Variants in GPN2 observed in about 807,000 individuals in gnomAD.
GPN2 encodes the protein ATP-binding domain 1 family member B.
A neutral mutation model predicts 30.1 loss-of-function variants in GPN2; 27 were observed. The observed-to-expected ratio is 0.90, with a 90% confidence interval of 0.66 to 1.24. GPN2 has a LOEUF of 1.24. Ranked by LOEUF, GPN2 falls within the 50% of genes most tolerant of loss-of-function variation. The pLI is 0.00. For missense variants in GPN2, 406 were observed against 405.4 expected (o/e 1.00, Z -0.01); for synonymous variants, 212 against 174.4 (o/e 1.22, Z -1.70).
chr1:26,882,415 C>T (rs540785034), intron 4 of GPN2, among the ~76,000 whole-genome samples: 3 of 152,154 alleles, frequency 2.0e-5, no homozygotes, highest in Admixed American at 2.0e-4. Flanking sequence ...CACATGCAGT[C>T]CAATTGGCCT....
At chr1:26,886,893 T>C (rs2081893776) in intron 2 of GPN2, among the ~76,000 whole-genome samples, 1 of 150,122 alleles carries the variant, frequency 6.7e-6, no homozygotes, top group Non-Finnish European at 1.5e-5. Context: ...CACGGGAGGC[T>C]GAGGCAGGAG....
Position 26,886,115 on chromosome 1 carries a change from T to C in GPN2, c.587A>G (p.Tyr196Cys), listed in dbSNP as rs375625869. ...GTAGGAGAGGTCCAGAACCTCTGTG[T>C]AGTAGTCCAGGTTGAAGGCTAAAGA... ...YGKLAFNLDY[Y>C]TEVLDLSYLL... is the part of the protein sequence containing the mutation. The change falls in exon 3 of 5, where the codon TAC becomes TGC. Residue 196 changes from tyrosine to cysteine, a missense_variant. Transcript: ENST00000374135. The C allele has an allele frequency of 2.2e-5, 36 of 1,613,456 alleles. No individual in the cohort carries two copies. Among genetic ancestry groups the C allele is most frequent in the Non-Finnish European group, 3.0e-5 (35 of 1,179,514 alleles).
intron 2 of GPN2, among the ~76,000 whole-genome samples, chr1:26,888,732 C>T (rs1195423943): frequency 1.3e-5 from 2 of 152,238 alleles, no homozygotes; most frequent in Non-Finnish European, 2.9e-5. Flanking sequence ...TATTCACTGT[C>T]GTATCACTTT....
At chr1:26,889,612 TG>T in intron 1 of GPN2, 73 bp downstream of exon 1, 5 of 1,391,740 alleles carry the variant, frequency 3.6e-6, no homozygotes, top group Non-Finnish European at 4.9e-6. Flanking sequence ...CTGTGTGACA[TG>T]GGGGCGTGGC....
intron 4 of GPN2, among the ~76,000 whole-genome samples, chr1:26,883,283 C>T (rs760892858): frequency 2.6e-5 from 4 of 151,818 alleles, no homozygotes; most frequent in Admixed American, 6.6e-5. Context: ...ACCCCTGCAA[C>T]GCCCTTTCCT....
In GPN2 at chr1:26,878,199, A is replaced by G. The variant is rs2081846674; in HGVS notation, c.*1478T>C. On this transcript the variant is annotated 3_prime_UTR_variant, in exon 5 of 5. Transcript: ENST00000374135. ...ACTGCATCCAGCCAGTTGCAAGAGC[A>G]AAGAAAAAACTTCCAAGCCCTCTTG... 6.6e-6 allele frequency: 1 copy of G among 152,228 alleles called. No homozygotes were observed. The highest frequency in any genetic ancestry group is 1.5e-5 in the Non-Finnish European group (1 of 68,050). The allele number at this position is 152,228 out of a possible 1,614,324, so 9.4% of individuals were successfully genotyped here.
intron 1 of GPN2, among the ~76,000 whole-genome samples, chr1:26,889,377 A>G (rs2081908220): frequency 6.6e-6 from 1 of 151,980 alleles, no homozygotes; most frequent in Admixed American, 6.6e-5. Context: ...CCACTCTTTC[A>G]TTTACTTTTG....
At chr1:26,879,819 T>G in intron 4 of GPN2, 70 bp from the exon 5 acceptor site, 1 of 971,460 alleles carries the variant, frequency 1.0e-6, no homozygotes, top group Non-Finnish European at 1.6e-6. Context: ...AGGATCTGAC[T>G]TCCGCTGATG....
chr1:26,887,549 T>C (rs539514231), intron 2 of GPN2, among the ~76,000 whole-genome samples: 1 of 152,216 alleles, frequency 6.6e-6, no homozygotes, highest in South Asian at 2.1e-4. Context: ...ATGTCCCCAG[T>C]TCAGGAGAGT....
chr1:26,878,445 C>G lies in GPN2; in HGVS notation c.*1232G>C, dbSNP rs2081848190. The G allele has an allele frequency of 6.6e-6, 1 of 151,930 alleles. No homozygotes were observed. Among genetic ancestry groups the G allele is most frequent in the African/African-American group, 2.4e-5 (1 of 41,342 alleles). The allele number at this position is 151,930 out of a possible 1,614,324, so 9.4% of individuals were successfully genotyped here. On this transcript the variant is annotated 3_prime_UTR_variant, in exon 5 of 5. Transcript: ENST00000374135. ...TATAGGCGTGCAACACCATGCCCAGCTAATTTTTATGTTTTTAGTAGAGAG... is the reference window on the plus strand; with the variant it reads ...TATAGGCGTGCAACACCATGCCCAGGTAATTTTTATGTTTTTAGTAGAGAG...
chr1:26,889,663 G>A, intron 1 of GPN2, 23 bp downstream of exon 1: 5 of 1,546,732 alleles, frequency 3.2e-6, no homozygotes, highest in Non-Finnish European at 3.5e-6. Context: ...CCGCAAAATG[G>A]GCCTCCCCGC....
Position 26,879,412 on chromosome 1 carries a change from T to G in GPN2, c.*265A>C, listed in dbSNP as rs1312003099. On this transcript the variant is annotated 3_prime_UTR_variant, in exon 5 of 5. Coordinates refer to ENST00000374135, the MANE Select transcript of GPN2 (RefSeq NM_018066.4). ...ATAAACTCTTGTATTGTAGCACATTTCATCACAGCCTGACTAGGACCAGTG... is the reference window on the plus strand; with the variant it reads ...ATAAACTCTTGTATTGTAGCACATTGCATCACAGCCTGACTAGGACCAGTG... The G allele has an allele frequency of 5.4e-5, 26 of 479,308 alleles. No individual in the cohort carries two copies. The East Asian group carries it at 8.5e-4, about 16-fold the overall frequency. The allele number at this position is 479,308 out of a possible 1,614,324, so 29.7% of individuals were successfully genotyped here. A position where few individuals can be genotyped will look rare whatever the true frequency, so the allele number is the denominator to read the frequency against.
rs762141131 is a variant in GPN2 at position 26,889,736 on chromosome 1, G to A, written c.361C>T (p.His121Tyr). ...GAGAAGATGCTGCGCAAGGCGCCGT[G>A]ATGCGTGCAGAGCTCCACCTGGCCT... is the stretch of plus-strand genomic sequence containing the variant. ...CPGQVELCTH[H>Y]GALRSIFSQM... The change falls in exon 1 of 5, where the codon CAC becomes TAC. Residue 121 changes from histidine to tyrosine, a missense_variant. By Grantham distance (83) the His-to-Tyr change is moderately conservative. Coordinates refer to ENST00000374135, the MANE Select transcript of GPN2 (RefSeq NM_018066.4). 1 of 1,608,890 alleles carries A rather than the reference G, an allele frequency of 6.2e-7. No homozygotes were observed. Among genetic ancestry groups the A allele is most frequent in the East Asian group, 2.2e-5 (1 of 44,806 alleles).
intron 3 of GPN2, among the ~76,000 whole-genome samples, 200 bp from the exon 4 acceptor site, chr1:26,884,490 C>T (rs1016901261): frequency 6.6e-6 from 1 of 152,152 alleles, no homozygotes; most frequent in African/African-American, 2.4e-5. Flanking sequence ...CAGATAAGCT[C>T]CCCTATGCAT....
In GPN2 at chr1:26,884,267, G is replaced by C; in HGVS notation, c.753C>G (p.Val251=). Residue 251 remains valine, a synonymous_variant, in exon 4 of 5, where the codon GTC becomes GTG. Coordinates refer to ENST00000374135, the MANE Select transcript of GPN2 (RefSeq NM_018066.4). The part of the protein sequence containing the change: ...NIQDKESIQR[V]LQAVDKANGY... ...CATTGGCTTTATCCACAGCCTGCAG[G>C]ACTCGCTGGATGCTCTCCTTGTCCT... 6.2e-7 allele frequency: 1 copy of C among 1,613,162 alleles called. No individual in the cohort carries two copies. The highest frequency in any genetic ancestry group is 8.5e-7 in the Non-Finnish European group (1 of 1,179,592).
At chr1:26,881,229 C>A (rs928333207) in intron 4 of GPN2, among the ~76,000 whole-genome samples, 2 of 152,118 alleles carry the variant, frequency 1.3e-5, no homozygotes, top group Non-Finnish European at 2.9e-5. Context: ...TATCTTAAGT[C>A]GAAAATGCAT....
At chr1:26,882,391 CCT>C (rs1412781856) in intron 4 of GPN2, among the ~76,000 whole-genome samples, 1 of 151,986 alleles carries the variant, frequency 6.6e-6, no homozygotes, top group Non-Finnish European at 1.5e-5. Context: ...TTGCTCCTCC[CCT>C]CTTTTGCTGA....
Position 26,879,417 on chromosome 1 carries a change from A to G in GPN2, c.*260T>C. ...CTCTTGTATTGTAGCACATTTCATCACAGCCTGACTAGGACCAGTGCTCGA... is the reference window on the plus strand; with the variant it reads ...CTCTTGTATTGTAGCACATTTCATCGCAGCCTGACTAGGACCAGTGCTCGA... On this transcript the variant is annotated 3_prime_UTR_variant, in exon 5 of 5. Transcript: ENST00000374135. 2 of 491,140 alleles carry G rather than the reference A, an allele frequency of 4.1e-6. No homozygotes were observed. Among genetic ancestry groups the G allele is most frequent in the African/African-American group, 3.8e-5 (2 of 52,430 alleles). The allele number at this position is 491,140 out of a possible 1,614,324, so 30.4% of individuals were successfully genotyped here. A position where few individuals can be genotyped will look rare whatever the true frequency, so the allele number is the denominator to read the frequency against.
chr1:26,889,709 G>C lies in GPN2; in HGVS notation c.388C>G (p.Gln130Glu). 6.3e-7 allele frequency: 1 copy of C among 1,590,940 alleles called. No homozygotes were observed. The highest frequency in any genetic ancestry group is 1.7e-4 in the Middle Eastern group (1 of 5,946). Reference protein sequence around the residue: ...HHGALRSIFSQMAQWDLRLTA... With the variant: ...HHGALRSIFSEMAQWDLRLTA... ...ACCCTGAGGTCCCACTGCGCCATTT[G>C]GGAGAAGATGCTGCGCAAGGCGCCG... The change falls in exon 1 of 5, where the codon CAA (glutamine) becomes GAA (glutamate). Residue 130 changes from glutamine to glutamate, a missense_variant. By Grantham distance (29) the Gln-to-Glu change is conservative. Coordinates refer to ENST00000374135, the MANE Select transcript of GPN2 (RefSeq NM_018066.4).
Sources: allele counts gnomAD v4.1 joint callset (sites outside exome capture counted in the v4.1 genomes callset), GRCh38; gene constraint gnomAD v4.1.1; transcripts MANE v1.5; gene names NCBI Gene and HGNC (gene_info 2026-07-23, HGNC 2026-07-21).